Variants in RANBP2 observed in about 807,000 individuals in gnomAD.
RANBP2 encodes RAN binding protein 2.
A neutral mutation model predicts 303.6 loss-of-function variants in RANBP2; 57 were observed. The ratio of observed to expected loss-of-function variants is 0.19; its 90% CI spans 0.15 to 0.23. RANBP2 has a LOEUF of 0.23. Among genes scored for constraint, RANBP2 ranks in the 10% least tolerant of loss-of-function variants. The pLI, the probability that RANBP2 is intolerant of heterozygous loss-of-function variation, is 1.00. For missense variants in RANBP2, 3,138 were observed against 3,780.8 expected, an observed-to-expected ratio of 0.83 and a Z score of 4.46; for synonymous variants, 1,167 against 1,301.5, an observed-to-expected ratio of 0.90 and a Z score of 2.23.
At chr2:109,436,636 G>A in the RANBP2 span, among the ~76,000 whole-genome samples, 3 of 152,350 alleles carry the variant, frequency 2.0e-5, no homozygotes, top group East Asian at 3.9e-4. Context: ...AAAAGATTTC[G>A]TTCAGCTCAT....
chr2:108,972,801 C>T, the RANBP2 span, among the ~76,000 whole-genome samples: 1 of 152,194 alleles, frequency 6.6e-6, no homozygotes, highest in South Asian at 2.1e-4. Context: ...GGGCCTCCGG[C>T]AGGGGCGTTC....
At chr2:109,346,463 G>A in the RANBP2 span, among the ~76,000 whole-genome samples, 1 of 152,164 alleles carries the variant, frequency 6.6e-6, no homozygotes, top group Non-Finnish European at 1.5e-5. Context: ...AGAAAATGCG[G>A]CTTCTGGTAG....
the RANBP2 span, among the ~76,000 whole-genome samples, chr2:109,701,561 C>A: frequency 6.6e-6 from 1 of 152,106 alleles, no homozygotes; most frequent in Non-Finnish European, 1.5e-5. Flanking sequence ...GCAATTTAGT[C>A]TGGCTCAGTG....
the RANBP2 span, among the ~76,000 whole-genome samples, chr2:108,833,094 G>A: frequency 5.3e-5 from 8 of 152,224 alleles, no homozygotes; most frequent in African/African-American, 1.7e-4. Context: ...GAGATCAGTA[G>A]CTGCCAGGGG....
At chr2:108,857,026 T>A in the RANBP2 span, 5 of 954,784 alleles carry the variant, frequency 5.2e-6, no homozygotes, top group Non-Finnish European at 8.0e-6. Context: ...TCTGTCTTTA[T>A]CTTGTCTGCA....
chr2:109,680,128 G>A, the RANBP2 span, among the ~76,000 whole-genome samples: 2 of 151,128 alleles, frequency 1.3e-5, no homozygotes, highest in South Asian at 2.1e-4. Flanking sequence ...GGCAGATCAC[G>A]AGGTCAGGAG....
the RANBP2 span, among the ~76,000 whole-genome samples, chr2:109,537,180 T>C: frequency 2.6e-5 from 4 of 152,208 alleles, no homozygotes; most frequent in African/African-American, 9.6e-5. Flanking sequence ...GCTATTGGGT[T>C]TGGGGGTAGA....
the RANBP2 span, among the ~76,000 whole-genome samples, chr2:109,160,426 G>A: frequency 6.6e-6 from 1 of 152,250 alleles, no homozygotes; most frequent in African/African-American, 2.4e-5. Flanking sequence ...AGGTAGCCAT[G>A]CAGCCTTGTG....
At chr2:109,667,914 G>T in the RANBP2 span, 1 of 195,514 alleles carries the variant, frequency 5.1e-6, no homozygotes. Flanking sequence ...GCAGCAAGAG[G>T]ACCTCAGAAG....
chr2:109,424,674 G>C, the RANBP2 span, among the ~76,000 whole-genome samples: 1 of 152,124 alleles, frequency 6.6e-6, no homozygotes, highest in East Asian at 1.9e-4. Context: ...AGTTGTTTTG[G>C]GCACCATGGA....
At chr2:109,615,817 A>T in the RANBP2 span, 1 of 1,614,036 alleles carries the variant, frequency 6.2e-7, no homozygotes, top group South Asian at 1.1e-5. Context: ...CACCATCACC[A>T]CTCGGCTGAG....
chr2:109,521,379 G>A, the RANBP2 span, among the ~76,000 whole-genome samples: 1 of 152,304 alleles, frequency 6.6e-6, no homozygotes, highest in South Asian at 2.1e-4. Flanking sequence ...TGATGATCAG[G>A]CTCCCCAGGG....
At chr2:109,417,456 C>G in the RANBP2 span, among the ~76,000 whole-genome samples, 1 of 152,160 alleles carries the variant, frequency 6.6e-6, no homozygotes, top group Admixed American at 6.5e-5. Context: ...GGAAGGAATG[C>G]CCCCTTCCAG....
chr2:109,119,724 TA>T, the RANBP2 span, among the ~76,000 whole-genome samples: 1 of 152,246 alleles, frequency 6.6e-6, no homozygotes, highest in African/African-American at 2.4e-5. Flanking sequence ...AAATTTATTA[TA>T]ATTCTTTTGA....
chr2:109,013,369 T>C, the RANBP2 span, among the ~76,000 whole-genome samples: 1 of 152,180 alleles, frequency 6.6e-6, no homozygotes, highest in South Asian at 2.1e-4. Context: ...ATAGGAAGCA[T>C]TTTCTTACAC....
the RANBP2 span, among the ~76,000 whole-genome samples, chr2:108,803,468 A>G: frequency 6.6e-6 from 1 of 152,144 alleles, no homozygotes; most frequent in African/African-American, 2.4e-5. Context: ...TTAGAGACAG[A>G]GTCTTGCTGT....
At chr2:109,333,419 A>G in the RANBP2 span, among the ~76,000 whole-genome samples, 25 of 152,372 alleles carry the variant, frequency 1.6e-4, no homozygotes, top group African/African-American at 5.8e-4. Flanking sequence ...TAAAAACACA[A>G]AATAAAACAA....
the RANBP2 span, among the ~76,000 whole-genome samples, chr2:109,344,593 A>T: frequency 6.6e-6 from 1 of 152,236 alleles, no homozygotes; most frequent in Non-Finnish European, 1.5e-5. Flanking sequence ...CATCCAGCCC[A>T]TGACAGGCTG....
the RANBP2 span, among the ~76,000 whole-genome samples, chr2:109,081,027 G>A: frequency 7.9e-5 from 12 of 152,280 alleles, no homozygotes; most frequent in African/African-American, 2.9e-4. Context: ...AGCCATGCAT[G>A]GCCATGCAGC....
Sources: gnomAD v4.1 joint callset for allele counts (sites outside exome capture counted in the v4.1 genomes callset) on GRCh38, gnomAD v4.1.1 for gene constraint, MANE v1.5 for transcripts, NCBI Gene and HGNC (gene_info 2026-07-23, HGNC 2026-07-21) for gene names.